PITPNM3: variants seen among roughly 807,000 people sequenced by gnomAD.
PITPNM3 encodes the protein PITPNM family member 3, also known as membrane-associated phosphatidylinositol transfer protein 3.
PITPNM3 carries 26 observed loss-of-function variants against 102.0 expected under a neutral mutation model. The observed-to-expected ratio is 0.25, with a 90% CI of 0.19 to 0.35. PITPNM3 has a LOEUF of 0.35. Ranked by LOEUF, PITPNM3 falls within the 10% of genes least tolerant of loss-of-function variation. The pLI is 1.00. For synonymous variants in PITPNM3, 578 were observed against 558.6 expected (o/e 1.03, Z -0.49); for missense variants, 1,083 against 1,346.1 (o/e 0.80, Z 3.06).
intron 1 of PITPNM3, among the ~76,000 whole-genome samples, chr17:6,538,830 C>CG (rs1415881760): frequency 1.3e-5 from 2 of 152,126 alleles, no homozygotes; most frequent in Non-Finnish European, 2.9e-5. Flanking sequence ...AAGCATGGGG[C>CG]GGGGGGTGGA....
intron 2 of PITPNM3, among the ~76,000 whole-genome samples, chr17:6,529,489 G>A (rs1909022856): frequency 6.6e-6 from 1 of 152,016 alleles, no homozygotes; most frequent in Non-Finnish European, 1.5e-5. Flanking sequence ...AGCAACTCAG[G>A]AGGCTGAGGT....
chr17:6,527,228 C>A (rs1908885193), intron 2 of PITPNM3, among the ~76,000 whole-genome samples: 1 of 152,232 alleles, frequency 6.6e-6, no homozygotes, highest in South Asian at 2.1e-4. Context: ...TGATATTATT[C>A]TTCGGGAAGC....
intron 1 of PITPNM3, among the ~76,000 whole-genome samples, chr17:6,555,410 G>A (rs769216408): frequency 1.8e-4 from 28 of 152,206 alleles, no homozygotes; most frequent in Admixed American, 9.8e-4. Flanking sequence ...CCTGGGGGAC[G>A]GCATGGCACC....
At chr17:6,553,792 A>G (rs185588403) in intron 1 of PITPNM3, among the ~76,000 whole-genome samples, 2 of 151,530 alleles carry the variant, frequency 1.3e-5, no homozygotes, top group East Asian at 3.9e-4. Flanking sequence ...CCTGCCCATC[A>G]GTCTGCCCAT....
chr17:6,538,061 C>A lies in PITPNM3; in HGVS notation c.44G>T (p.Gly15Val), dbSNP rs1386063038. 1 of 1,612,840 alleles carries A rather than the reference C, an allele frequency of 6.2e-7. No homozygotes were observed. Among genetic ancestry groups the A allele is most frequent in the Non-Finnish European group, 8.5e-7 (1 of 1,179,052 alleles). Residue 15 changes from glycine (G) to valine (V), a missense_variant, in exon 2 of 20, where the codon GGT becomes GTT. Transcript: ENST00000262483. ...GACATTTCGAAGGTGCCAGGGGGCACCGCCGCCCGGGGGAGGACCACCTGT... is the reference window on the plus strand; with the variant it reads ...GACATTTCGAAGGTGCCAGGGGGCAACGCCGCCCGGGGGAGGACCACCTGT... ...GRAGGPPPGG[G>V]APWHLRNVLS...
At chr17:6,513,271 T>G (rs1239755400) in intron 3 of PITPNM3, among the ~76,000 whole-genome samples, 1 of 152,174 alleles carries the variant, frequency 6.6e-6, no homozygotes, top group Non-Finnish European at 1.5e-5. Flanking sequence ...CTCTCATCAC[T>G]TCTATTCAAT....
intron 11 of PITPNM3, 125 bp from the exon 12 acceptor site, chr17:6,471,480 T>C: frequency 1.0e-6 from 1 of 983,070 alleles, no homozygotes; most frequent in Non-Finnish European, 1.5e-6. Context: ...TCTGCTCACT[T>C]GCCAGCCCAG....
chr17:6,486,828 C>G (rs1906122328), intron 4 of PITPNM3, among the ~76,000 whole-genome samples: 1 of 152,198 alleles, frequency 6.6e-6, no homozygotes, highest in African/African-American at 2.4e-5. Flanking sequence ...GCACTATGTG[C>G]TTTACATGAT....
At chr17:6,489,479 T>A (rs953959174) in intron 4 of PITPNM3, among the ~76,000 whole-genome samples, 13 of 96,260 alleles carry the variant, frequency 1.4e-4, no homozygotes, top group Admixed American at 4.9e-4. Context: ...GGTTTTTTTT[T>A]ATTTTTTTTT....
chr17:6,473,942 A>G (rs1401987582), intron 10 of PITPNM3, among the ~76,000 whole-genome samples: 1 of 140,460 alleles, frequency 7.1e-6, no homozygotes, highest in Non-Finnish European at 1.5e-5. Flanking sequence ...GCGCCACTGC[A>G]CTCCAGCCTG....
rs757736903 is a variant in PITPNM3, at chr17:6,455,664, C to G, written c.2620-21G>C. 14 of 1,403,098 alleles carry G rather than the reference C, an allele frequency of 1.0e-5. No homozygotes were observed. The African/African-American group carries it at 1.2e-4, about 12-fold the overall frequency. 86.9% of individuals were successfully genotyped at this position (1,403,098 alleles called of 1,614,324 possible). On this transcript the variant is annotated intron_variant, in intron 19 of 19. Coordinates refer to ENST00000262483, the MANE Select transcript of PITPNM3 (RefSeq NM_031220.4). ...AGGAACTGCGGAGGGCAGGGGAGGG[C>G]AGGGGAGGGCAGGGCAGGGCAGCAG... is the stretch of plus-strand genomic sequence containing the variant.
rs1249815603 is a variant in PITPNM3, at chr17:6,452,024, G to A, written c.*3314C>T. ...CCTCATGAAAGACTCCAGGGCACAG[G>A]TATGGGTCCCAAAGGGGTAAAAATA... On this transcript the variant is annotated 3_prime_UTR_variant, in exon 20 of 20. Coordinates refer to ENST00000262483, the MANE Select transcript of PITPNM3 (RefSeq NM_031220.4). The A allele has an allele frequency of 6.6e-6, 1 of 152,082 alleles. No individual in the cohort carries two copies. The highest frequency in any genetic ancestry group is 1.5e-5 in the Non-Finnish European group (1 of 68,034). 9.4% of individuals were successfully genotyped at this position (152,082 alleles called of 1,614,324 possible). A position where few individuals can be genotyped will look rare whatever the true frequency, so the allele number is the denominator to read the frequency against.
At chr17:6,487,544 C>T (rs1906169597) in intron 4 of PITPNM3, among the ~76,000 whole-genome samples, 3 of 152,150 alleles carry the variant, frequency 2.0e-5, no homozygotes, top group South Asian at 2.1e-4. Flanking sequence ...CTGGGCTGGG[C>T]GCCTGTTTGC....
At chr17:6,462,863 C>T (rs969747347) in intron 17 of PITPNM3, among the ~76,000 whole-genome samples, 4 of 152,024 alleles carry the variant, frequency 2.6e-5, no homozygotes, top group African/African-American at 9.7e-5. Flanking sequence ...TGATGACTGT[C>T]GAGGTTTGGG....
rs1204577047 is a variant in PITPNM3, at chr17:6,484,296, C to T, written c.275-4G>A. The T allele has an allele frequency of 6.2e-7, 1 of 1,601,354 alleles. No homozygotes were observed. Among genetic ancestry groups the T allele is most frequent in the South Asian group, 1.1e-5 (1 of 90,806 alleles). ...AAGGAAACCCGGTACAGTTCTCCTG[C>T]AGAGGGAAAGAGGGGAGCTCAGCAT... On this transcript the variant is annotated splice_polypyrimidine_tract_variant and splice_region_variant and intron_variant, in intron 4 of 19. Transcript: ENST00000262483.
intron 4 of PITPNM3, among the ~76,000 whole-genome samples, chr17:6,494,466 G>A (rs1906680527): frequency 6.6e-6 from 1 of 152,190 alleles, no homozygotes; most frequent in Admixed American, 6.5e-5. Context: ...GAATGCAGTG[G>A]CACACTCCAG....
In PITPNM3 at chr17:6,478,472, A is replaced by G. The variant is rs1905451726; in HGVS notation, c.777+75T>C. 1.9e-6 allele frequency: 3 copies of G among 1,564,092 alleles called. No homozygotes were observed. The highest frequency in any genetic ancestry group is 2.6e-6 in the Non-Finnish European group (3 of 1,140,974). On this transcript the variant is annotated intron_variant, in intron 7 of 19. Coordinates refer to ENST00000262483, the MANE Select transcript of PITPNM3 (RefSeq NM_031220.4). This position sits in a 1 kb window ranked among gnomAD's most constrained non-coding sequence, Gnocchi z 4.4. ...AGAACAGCCTGGCCTTGGCCCTTTCAGTAGATTCCAGCCTCTCTCCCAGGC... is the reference window on the plus strand; with the variant it reads ...AGAACAGCCTGGCCTTGGCCCTTTCGGTAGATTCCAGCCTCTCTCCCAGGC...
At chr17:6,484,085 A>G in intron 5 of PITPNM3, 131 bp downstream of exon 5, 1 of 1,048,698 alleles carries the variant, frequency 9.5e-7, no homozygotes, top group Non-Finnish European at 1.5e-6. Flanking sequence ...AGAAGGACAC[A>G]GACCCACCCA....
At chr17:6,534,647 T>G (rs149850170) in intron 2 of PITPNM3, among the ~76,000 whole-genome samples, 8 of 152,300 alleles carry the variant, frequency 5.3e-5, no homozygotes, top group Non-Finnish European at 1.0e-4. Context: ...TGGCCTCAGT[T>G]TCCCTATTAG....
Sources: allele counts gnomAD v4.1 joint callset (sites outside exome capture counted in the v4.1 genomes callset), GRCh38; gene constraint gnomAD v4.1.1; non-coding constraint Gnocchi (gnomAD v3.1); transcripts MANE v1.5; gene names NCBI Gene and HGNC (gene_info 2026-07-23, HGNC 2026-07-21).